Variants in IL7 observed in about 807,000 individuals in gnomAD.
IL7 encodes interleukin-7.
In IL7, 3 loss-of-function variants were observed where a neutral mutation model predicts 21.6. That is an observed-to-expected ratio of 0.14 (90% CI 0.06 to 0.36). IL7 has a LOEUF of 0.36. Ranked by LOEUF, IL7 falls within the 10% of genes least tolerant of loss-of-function variation. IL7 has a pLI of 1.00. For missense variants in IL7, 175 were observed against 200.2 expected, an observed-to-expected ratio of 0.87 and a Z score of 0.76; for synonymous variants, 62 against 68.1, an observed-to-expected ratio of 0.91 and a Z score of 0.44.
chr8:78,742,093 C>T (rs1291880614), intron 2 of IL7, among the ~76,000 whole-genome samples: 1 of 150,956 alleles, frequency 6.6e-6, no homozygotes, highest in Admixed American at 6.6e-5. Context: ...GTGGGTAGAT[C>T]GTGAGGTCAG....
downstream of IL7, among the ~76,000 whole-genome samples, chr8:78,713,142 C>T (rs950904903): frequency 6.6e-6 from 1 of 151,996 alleles, no homozygotes; most frequent in African/African-American, 2.4e-5. Flanking sequence ...TTTAATTATT[C>T]ATATGAGCTG....
intron 3 of IL7, among the ~76,000 whole-genome samples, chr8:78,692,204 C>T (rs990301208): frequency 6.6e-6 from 1 of 152,158 alleles, no homozygotes; most frequent in African/African-American, 2.4e-5. Context: ...CTTTCCCCCT[C>T]CCTTTAGCCT....
chr8:78,791,646 A>T (rs1813697695), intron 2 of IL7, among the ~76,000 whole-genome samples: 2 of 152,262 alleles, frequency 1.3e-5, no homozygotes, highest in African/African-American at 4.8e-5. Flanking sequence ...TCTCTAAATA[A>T]ATCAATAACA....
At chr8:78,796,254 C>A (rs1813850356) in intron 2 of IL7, among the ~76,000 whole-genome samples, 2 of 151,902 alleles carry the variant, frequency 1.3e-5, no homozygotes. Flanking sequence ...ATACAAAAAT[C>A]AATTGCTTTC....
Position 78,805,024 on chromosome 8 carries a change from G to T in IL7, c.-102C>A. 2 of 1,331,008 alleles carry T rather than the reference G, an allele frequency of 1.5e-6. No homozygotes were observed. Among genetic ancestry groups the T allele is most frequent in the South Asian group, 1.3e-5 (1 of 74,102 alleles). 82.4% of individuals were successfully genotyped at this position (1,331,008 alleles called of 1,614,324 possible). A position where few individuals can be genotyped will look rare whatever the true frequency, so the allele number is the denominator to read the frequency against. On this transcript the variant is annotated 5_prime_UTR_variant, in exon 1 of 6. Coordinates refer to ENST00000263851, the MANE Select transcript of IL7 (RefSeq NM_000880.4). ...CAGGACCCTGGTCTTCCGCGGAGTT[G>T]CCGAGTCTGTGTTGGGCAGGGTGAT... is the stretch of plus-strand genomic sequence containing the variant.
chr8:78,699,845 A>G (rs906669244), intron 3 of IL7, among the ~76,000 whole-genome samples: 1 of 152,116 alleles, frequency 6.6e-6, no homozygotes, highest in African/African-American at 2.4e-5. Context: ...TTTATGTACT[A>G]TATTTTCTTT....
rs55816185 is a variant in IL7 at position 78,804,712 on chromosome 8, C to T, written c.10+201G>A. Among the ~76,000 whole-genome samples the T allele has an allele frequency of 1.3e-4, 20 of 152,314 alleles. No homozygotes were observed. In the East Asian group the frequency reaches 3.5e-3, roughly 27 times the overall value. ...CGCAGCCTGCCAGGGGCAGCAGCCG[C>T]CCCAGGTTCAAGTGGCTATGTGCCA... On this transcript the variant is annotated intron_variant, in intron 1 of 5. Transcript: ENST00000263851.
At chr8:78,727,524 A>G (rs1318464136) in intron 3 of IL7, among the ~76,000 whole-genome samples, 1 of 152,026 alleles carries the variant, frequency 6.6e-6, no homozygotes, top group Non-Finnish European at 1.5e-5. Context: ...TTAAGAGTCA[A>G]ACTAGAAAAT....
downstream of IL7, among the ~76,000 whole-genome samples, chr8:78,732,286 TA>T (rs1811439569): frequency 6.6e-6 from 1 of 152,150 alleles, no homozygotes; most frequent in South Asian, 2.1e-4. Flanking sequence ...GGCAGTTCAG[TA>T]AATTGTATGG....
chr8:78,775,843 G>T (rs1465454486), intron 2 of IL7, among the ~76,000 whole-genome samples: 1 of 151,932 alleles, frequency 6.6e-6, no homozygotes, highest in Non-Finnish European at 1.5e-5. Flanking sequence ...TCAGGGCTTG[G>T]GACTTCACTG....
chr8:78,699,868 A>G (rs1810545366), intron 3 of IL7, among the ~76,000 whole-genome samples: 1 of 152,100 alleles, frequency 6.6e-6, no homozygotes, highest in Non-Finnish European at 1.5e-5. Context: ...CCAGTATATC[A>G]TTGATGGACA....
intron 3 of IL7, among the ~76,000 whole-genome samples, chr8:78,697,091 T>G (rs920859942): frequency 1.3e-5 from 2 of 152,212 alleles, no homozygotes; most frequent in Admixed American, 6.5e-5. Context: ...TTCCTCAATT[T>G]GTATAATTCA....
intron 3 of IL7, chr8:78,697,601 G>T (rs1810465958): frequency 1.2e-6 from 1 of 835,842 alleles, no homozygotes. Flanking sequence ...TATTAAGATA[G>T]ATTTATAATT....
chr8:78,737,261 G>A (rs1811626474), intron 4 of IL7, among the ~76,000 whole-genome samples: 1 of 152,022 alleles, frequency 6.6e-6, no homozygotes, highest in African/African-American at 2.4e-5. Flanking sequence ...AACCAAGAGT[G>A]GAGGCTTATA....
intron 2 of IL7, among the ~76,000 whole-genome samples, chr8:78,786,417 AACTGC>A (rs1188691993): frequency 1.3e-5 from 2 of 152,246 alleles, no homozygotes; most frequent in Non-Finnish European, 2.9e-5. Flanking sequence ...GAGCTTGCAG[AACTGC>A]AAGTTGCTCT....
At chr8:78,686,454 T>C in intron 3 of IL7, 3 of 1,363,314 alleles carry the variant, frequency 2.2e-6, no homozygotes, top group Non-Finnish European at 2.9e-6. Flanking sequence ...TTTATTTATT[T>C]ATTTATTTAT....
Position 78,693,181 on chromosome 8 carries a change from G to A in IL7, n.215-7234C>T, listed in dbSNP as rs189747073. Reference sequence around the variant, plus strand: ...AGTCTTTGCTATTGTGAATAGTGCCGCAATAAACATACGTGTTTATGTGTC... The same window carrying A: ...AGTCTTTGCTATTGTGAATAGTGCCACAATAAACATACGTGTTTATGTGTC... On this transcript the variant is annotated intron_variant and non_coding_transcript_variant, in intron 3 of 4. Coordinates refer to the IL7 transcript ENST00000523959. 4.8e-3 allele frequency among the ~76,000 whole-genome samples: 736 copies of A among 152,140 alleles called. 8 individuals are homozygous for A. Among genetic ancestry groups the A allele is most frequent in the African/African-American group, 0.015 (610 of 41,486 alleles).
At chr8:78,760,345 C>T in intron 2 of IL7, 1 of 1,610,294 alleles carries the variant, frequency 6.2e-7, no homozygotes, top group Non-Finnish European at 8.5e-7. Flanking sequence ...TCATACCGCT[C>T]ATTCTCAACC....
intron 2 of IL7, among the ~76,000 whole-genome samples, chr8:78,789,056 G>A (rs1444227659): frequency 6.6e-6 from 1 of 152,080 alleles, no homozygotes; most frequent in East Asian, 1.9e-4. Flanking sequence ...TTTGATTAGT[G>A]TTAACATAGT....
Sources: allele counts gnomAD v4.1 joint callset (sites outside exome capture counted in the v4.1 genomes callset), GRCh38; gene constraint gnomAD v4.1.1; transcripts MANE v1.5; gene names NCBI Gene and HGNC (gene_info 2026-07-23, HGNC 2026-07-21).